MPDZ: variants seen among roughly 807,000 people sequenced by gnomAD.
MPDZ encodes the protein multiple PDZ domain crumbs cell polarity complex component.
Under a neutral mutation model 239.1 loss-of-function variants are expected in MPDZ, and 234 were observed. The ratio of observed to expected loss-of-function variants is 0.98; its 90% CI spans 0.88 to 1.09. The LOEUF (loss-of-function observed/expected upper bound fraction) is 1.09, where lower values mean the gene tolerates loss of function less well. Among genes scored for constraint, MPDZ ranks in the 50% least tolerant of loss-of-function variants. The probability of loss-of-function intolerance (pLI) is 0.00; values close to 1 mark genes in which losing one functional copy is unlikely to be tolerated. For synonymous variants in MPDZ, 1,048 were observed against 881.3 expected, an observed-to-expected ratio of 1.19 and a Z score of -3.35; for missense variants, 3,175 against 2,510.0, an observed-to-expected ratio of 1.26 and a Z score of -5.66.
chr9:13,118,068 T>G (rs2131446100), intron 39 of MPDZ, among the ~76,000 whole-genome samples: 1 of 152,226 alleles, frequency 6.6e-6, no homozygotes, highest in East Asian at 1.9e-4. Flanking sequence ...GGTCTCGAAC[T>G]CCCGACGTCA....
At chr9:13,145,295 A>T (rs1300882242) in intron 26 of MPDZ, among the ~76,000 whole-genome samples, 1 of 152,050 alleles carries the variant, frequency 6.6e-6, no homozygotes, top group Non-Finnish European at 1.5e-5. Flanking sequence ...AGGGAAGACA[A>T]AAACATTCTC....
chr9:13,188,838 T>C lies in MPDZ; in HGVS notation c.2310A>G (p.Ala770=), dbSNP rs770779515. The C allele has an allele frequency of 1.2e-6, 2 of 1,613,570 alleles. No homozygotes were observed. Among genetic ancestry groups the C allele is most frequent in the Admixed American group, 3.3e-5 (2 of 60,000 alleles). Residue 770 remains alanine, a synonymous_variant, in exon 17 of 47, where the codon GCA becomes GCG. Transcript: ENST00000319217. ...ENSSLEEAVE[A]LKGAPSGTVR... The stretch of plus-strand genomic sequence containing the variant: ...CAGTCCCTGACGGTGCTCCCTTCAG[T>C]GCTTCTACAGCTTCCTCAAGACTGC...
At position 13,232,016 on chromosome 9, in the gene MPDZ, A is replaced by G. The variant is rs567148229; in HGVS notation, c.184-7433T>C. Among the ~76,000 whole-genome samples the G allele has an allele frequency of 1.6e-3, 250 of 152,316 alleles. 1 individual carries two copies. The highest frequency in any genetic ancestry group is 2.9e-3 in the Non-Finnish European group (197 of 68,012). On this transcript the variant is annotated intron_variant, in intron 3 of 46. Coordinates refer to ENST00000319217, the MANE Select transcript of MPDZ (RefSeq NM_001378778.1). The stretch of plus-strand genomic sequence containing the variant: ...TCAGTTCAAAAGATGGGAGAAAAAA[A>G]ATAATGGATAAAATCCATGCTATTA...
At position 13,221,490 on chromosome 9, in the gene MPDZ, T is replaced by C; in HGVS notation, c.758A>G (p.Gln253Arg). 6.2e-7 allele frequency: 1 copy of C among 1,610,474 alleles called. No individual in the cohort carries two copies. The highest frequency in any genetic ancestry group is 8.5e-7 in the Non-Finnish European group (1 of 1,177,864). The change falls in exon 7 of 47, where the codon CAA becomes CGA. Residue 253 changes from glutamine to arginine, a missense_variant. Transcript: ENST00000319217. ...CACCAATTCAATCGTTTCCATGTGT[T>C]GCCAGTGAACCTACAAACAAAGCTC... ...ISAHSNPVHWQHMETIELVND... is the reference protein window; with the variant it reads ...ISAHSNPVHWRHMETIELVND...
chr9:13,168,973 T>C (rs1211858861), intron 21 of MPDZ, among the ~76,000 whole-genome samples: 1 of 152,122 alleles, frequency 6.6e-6, no homozygotes, highest in East Asian at 1.9e-4. Context: ...AATTAAGCAA[T>C]TATCCGCTAT....
rs772535642 is a variant in MPDZ, at chr9:13,183,600, A to G, written c.2482-15T>C. On this transcript the variant is annotated splice_polypyrimidine_tract_variant and intron_variant, in intron 18 of 46. Coordinates refer to ENST00000319217, the MANE Select transcript of MPDZ (RefSeq NM_001378778.1). Reference sequence around the variant, plus strand: ...TTTGTGCCCACCTAGAAACAAAACAATAATATCAGTTGGGAATTCTGTTCT... The same window carrying G: ...TTTGTGCCCACCTAGAAACAAAACAGTAATATCAGTTGGGAATTCTGTTCT... 10 of 1,609,936 alleles carry G rather than the reference A, an allele frequency of 6.2e-6. No individual in the cohort carries two copies. Among genetic ancestry groups the G allele is most frequent in the Middle Eastern group, 1.7e-4 (1 of 6,048 alleles).
In MPDZ at chr9:13,166,073, T is replaced by C. The variant is rs185377255; in HGVS notation, c.3254+2293A>G. On this transcript the variant is annotated intron_variant, in intron 22 of 46. Coordinates refer to ENST00000319217, the MANE Select transcript of MPDZ (RefSeq NM_001378778.1). Reference sequence around the variant, plus strand: ...CCACAGTCTCCTTTTTTAAAGTTCCTACAATACACCCCTCCACCACCACCC... The same window carrying C: ...CCACAGTCTCCTTTTTTAAAGTTCCCACAATACACCCCTCCACCACCACCC... 3.3e-3 allele frequency among the ~76,000 whole-genome samples: 508 copies of C among 152,234 alleles called. 2 individuals carry two copies. The highest frequency in any genetic ancestry group is 0.012 in the African/African-American group (481 of 41,554).
intron 32 of MPDZ, among the ~76,000 whole-genome samples, chr9:13,131,667 A>C (rs1284695891): frequency 6.6e-6 from 1 of 152,138 alleles, no homozygotes; most frequent in Non-Finnish European, 1.5e-5. Context: ...GACCAGCTAC[A>C]TGTCTTTATC....
chr9:13,139,483 T>A (rs575188859), intron 28 of MPDZ, among the ~76,000 whole-genome samples: 41 of 152,248 alleles, frequency 2.7e-4, no homozygotes, highest in African/African-American at 9.9e-4. Flanking sequence ...AGAACTCCAT[T>A]TTAAAAAGAG....
rs796810369 is a variant in MPDZ at position 13,214,428 on chromosome 9, G to C, written c.1290+2346C>G. 5.3e-5 allele frequency among the ~76,000 whole-genome samples: 8 copies of C among 151,978 alleles called. 1 individual carries two copies. Among genetic ancestry groups the C allele is most frequent in the African/African-American group, 1.9e-4 (8 of 41,528 alleles). ...TGCCCAGGACTGGGAGAATGGGGGA[G>C]AAGGTGACTGCTAAGGGGTACTGAA... On this transcript the variant is annotated intron_variant, in intron 10 of 46. Coordinates refer to ENST00000319217, the MANE Select transcript of MPDZ (RefSeq NM_001378778.1).
intron 7 of MPDZ, 107 bp from the exon 8 acceptor site, chr9:13,219,875 A>C: frequency 9.6e-7 from 1 of 1,046,840 alleles, no homozygotes; most frequent in South Asian, 1.5e-5. Context: ...ATGAGTTACC[A>C]ATCAGGACAT....
At chr9:13,175,569 G>A (rs1952359430) in intron 21 of MPDZ, among the ~76,000 whole-genome samples, 183 bp downstream of exon 21, 1 of 152,044 alleles carries the variant, frequency 6.6e-6, no homozygotes, top group Admixed American at 6.6e-5. Flanking sequence ...CTGCTCATAT[G>A]AAGTAAACAA....
intron 12 of MPDZ, among the ~76,000 whole-genome samples, chr9:13,199,612 T>C (rs1956141281): frequency 6.6e-6 from 1 of 152,046 alleles, no homozygotes; most frequent in African/African-American, 2.4e-5. Context: ...GACTTTTCTC[T>C]GTTCGGTATA....
chr9:13,168,337 A>G, intron 22 of MPDZ, 29 bp downstream of exon 22: 1 of 1,590,720 alleles, frequency 6.3e-7, no homozygotes, highest in Non-Finnish European at 8.6e-7. Context: ...GAATTTCCCA[A>G]GTTAAACTGG....
rs150252589 is a variant in MPDZ, at chr9:13,251,128, CAAAAAAAAAAAAAAAA to C, written c.-57-772_-57-757del. Among the ~76,000 whole-genome samples the C allele has an allele frequency of 3.0e-4, 11 of 36,448 alleles. 1 individual carries two copies. The East Asian group carries it at 8.2e-3, about 27-fold the overall frequency. The allele number at this position is 36,448 out of a possible 152,430, so 23.9% of individuals were successfully genotyped here. ...TGGGCCACAGAACAAGACTCCATCT[CAAAAAAAAAAAAAAAA>C]AAAAAAAGGAAAAGAAAAGAAAAAA... On this transcript the variant is annotated intron_variant, in intron 1 of 46. Transcript: ENST00000319217.
rs547476192 is a variant in MPDZ, at chr9:13,254,846, G to A, written c.-57-4474C>T. ...GTGAGTCACAGTCTTTGAGCTGGTG[G>A]AGGGTCTTGCCTTTGTGTTGATGGC... On this transcript the variant is annotated intron_variant, in intron 1 of 46. Transcript: ENST00000319217. 2.6e-5 allele frequency among the ~76,000 whole-genome samples: 4 copies of A among 152,290 alleles called. No homozygotes were observed. In the East Asian group the frequency reaches 7.7e-4, roughly 29 times the overall value.
intron 13 of MPDZ, among the ~76,000 whole-genome samples, chr9:13,194,075 G>A (rs1473228246): frequency 6.6e-6 from 1 of 152,094 alleles, no homozygotes; most frequent in Non-Finnish European, 1.5e-5. Context: ...CACTTCCCCT[G>A]AGAATGTCCC....
intron 3 of MPDZ, among the ~76,000 whole-genome samples, chr9:13,226,117 G>A (rs1024853664): frequency 6.6e-6 from 1 of 151,948 alleles, no homozygotes; most frequent in Non-Finnish European, 1.5e-5. Flanking sequence ...ACCCTAACTC[G>A]CCACAGTTGG....
At chr9:13,133,790 C>A (rs753342758) in intron 32 of MPDZ, 34 bp downstream of exon 32, 4 of 1,432,414 alleles carry the variant, frequency 2.8e-6, no homozygotes, top group South Asian at 2.4e-5. Flanking sequence ...TAAAGGAACT[C>A]ACATCATTTC....
Sources: gnomAD v4.1 joint callset for allele counts (sites outside exome capture counted in the v4.1 genomes callset) on GRCh38, gnomAD v4.1.1 for gene constraint, MANE v1.5 for transcripts, NCBI Gene and HGNC (gene_info 2026-07-23, HGNC 2026-07-21) for gene names.